PLA2R1: variants seen among roughly 807,000 people sequenced by gnomAD.
PLA2R1 encodes phospholipase A2 receptor 1.
In PLA2R1, 158 loss-of-function variants were observed where a neutral mutation model predicts 195.9. The observed-to-expected ratio is 0.81, with a 90% CI of 0.71 to 0.92. The LOEUF is 0.92. PLA2R1 is among the 40% of genes least tolerant of loss of function. The pLI is 0.00. For synonymous variants in PLA2R1, 586 were observed against 598.2 expected, an observed-to-expected ratio of 0.98 and a Z score of 0.30; for missense variants, 1,626 against 1,764.6, an observed-to-expected ratio of 0.92 and a Z score of 1.41.
chr2:159,969,928 A>C lies in PLA2R1; in HGVS notation c.2660+220T>G, dbSNP rs367617444. Among the ~76,000 whole-genome samples, 9 of 152,312 alleles carry C rather than the reference A, an allele frequency of 5.9e-5. No individual in the cohort carries two copies. The East Asian group carries it at 9.6e-4, about 16-fold the overall frequency. ...TAAATAAATGAATAGAGCAGGAAAG[A>C]AAGCTTTTGGAGGTGATGGATATGT... is the stretch of plus-strand genomic sequence containing the variant. On this transcript the variant is annotated intron_variant, in intron 18 of 29. Transcript: ENST00000283243.
Position 159,932,694 on chromosome 2 carries a change from T to G in PLA2R1, c.*9084A>C, listed in dbSNP as rs1178508634. On this transcript the variant is annotated 3_prime_UTR_variant, in exon 30 of 30. Coordinates refer to ENST00000283243, the MANE Select transcript of PLA2R1 (RefSeq NM_007366.5). The stretch of plus-strand genomic sequence containing the variant: ...TAAAGTTTAAATAATCTCTTAGAAG[T>G]AGGAACTCAAGGAGCTCAAGTTAAT... The G allele has an allele frequency of 6.6e-6, 1 of 152,168 alleles. No homozygotes were observed. Among genetic ancestry groups the G allele is most frequent in the Non-Finnish European group, 1.5e-5 (1 of 68,034 alleles). The allele number at this position is 152,168 out of a possible 1,614,324, so 9.4% of individuals were successfully genotyped here.
intron 11 of PLA2R1, among the ~76,000 whole-genome samples, chr2:160,004,709 G>A (rs1435946030): frequency 1.3e-5 from 2 of 152,156 alleles, no homozygotes; most frequent in Admixed American, 1.3e-4. Flanking sequence ...GAAGTAGAAG[G>A]GCTGTTGGGT....
At chr2:159,994,992 C>T (rs1271555038) in intron 11 of PLA2R1, among the ~76,000 whole-genome samples, 1 of 151,874 alleles carries the variant, frequency 6.6e-6, no homozygotes, top group Non-Finnish European at 1.5e-5. Flanking sequence ...AGACAGAGTC[C>T]TGGCTGAGTT....
At chr2:160,005,362 G>A (rs1313781043) in intron 11 of PLA2R1, among the ~76,000 whole-genome samples, 1 of 152,122 alleles carries the variant, frequency 6.6e-6, no homozygotes, top group African/African-American at 2.4e-5. Context: ...TTGAGCCCAG[G>A]AGGTCAAGGC....
chr2:159,981,783 C>G (rs1485879466), intron 13 of PLA2R1, among the ~76,000 whole-genome samples: 1 of 152,160 alleles, frequency 6.6e-6, no homozygotes, highest in Non-Finnish European at 1.5e-5. Flanking sequence ...AATCATACCT[C>G]ACTGTAACTT....
Position 160,035,588 on chromosome 2 carries a change from T to C in PLA2R1, c.668-2456A>G, listed in dbSNP as rs368264477. ...TACATCTTTGATTGTGTTTATATCA[T>C]CTCTTCTATTGCTAAATTATGGGCT... is the stretch of plus-strand genomic sequence containing the variant. On this transcript the variant is annotated intron_variant, in intron 3 of 29. Coordinates refer to ENST00000283243, the MANE Select transcript of PLA2R1 (RefSeq NM_007366.5). Among the ~76,000 whole-genome samples the C allele has an allele frequency of 1.4e-3, 206 of 152,338 alleles. 1 individual carries two copies. Among genetic ancestry groups the C allele is most frequent in the African/African-American group, 4.7e-3 (197 of 41,586 alleles).
Position 160,013,270 on chromosome 2 carries a change from T to C in PLA2R1, c.1657A>G (p.Thr553Ala). Residue 553 changes from threonine (T) to alanine (A), a missense_variant, in exon 10 of 30, where the codon ACA (threonine) becomes GCA (alanine). By Grantham distance (58) the Thr-to-Ala change is moderately conservative. Transcript: ENST00000283243. ...YYCPPALVTI[T>A]NRFEQAFITS... ...AAAAAAAGTTTAATTTACCTGTTTGTAATGGTTACAAGTGCAGGAGGACAG... is the reference window on the plus strand; with the variant it reads ...AAAAAAAGTTTAATTTACCTGTTTGCAATGGTTACAAGTGCAGGAGGACAG... 1 of 1,565,404 alleles carries C rather than the reference T, an allele frequency of 6.4e-7. No homozygotes were observed. The highest frequency in any genetic ancestry group is 8.8e-7 in the Non-Finnish European group (1 of 1,136,736).
At chr2:159,943,503 T>A (rs1315319512) in intron 28 of PLA2R1, among the ~76,000 whole-genome samples, 1 of 151,948 alleles carries the variant, frequency 6.6e-6, no homozygotes, top group East Asian at 1.9e-4. Context: ...CTGTTAAGAG[T>A]GTTTGTTCTC....
the PLA2R1 span, among the ~76,000 whole-genome samples, chr2:159,924,138 A>G: frequency 6.6e-6 from 1 of 152,068 alleles, no homozygotes; most frequent in African/African-American, 2.4e-5. Context: ...TTCAGGTCCA[A>G]CATCTTCAAA....
At chr2:159,960,551 GA>G (rs1263214071) in intron 20 of PLA2R1, among the ~76,000 whole-genome samples, 2 of 152,104 alleles carry the variant, frequency 1.3e-5, no homozygotes, top group Non-Finnish European at 2.9e-5. Context: ...TCCCAAACTA[GA>G]CAGTGCAAAG....
chr2:159,934,928 A>G lies in PLA2R1; in HGVS notation c.*6850T>C, dbSNP rs1686753426. ...GATCCATTTGAGGATTTCAACTTGC[A>G]CGTAGTTGTCATGTCTCTTTAGTGT... On this transcript the variant is annotated 3_prime_UTR_variant, in exon 30 of 30. Transcript: ENST00000283243. 6.6e-6 allele frequency: 1 copy of G among 152,168 alleles called. No individual in the cohort carries two copies. The highest frequency in any genetic ancestry group is 6.5e-5 in the Admixed American group (1 of 15,276). 9.4% of individuals were successfully genotyped at this position (152,168 alleles called of 1,614,324 possible). A position where few individuals can be genotyped will look rare whatever the true frequency, so the allele number is the denominator to read the frequency against.
intron 6 of PLA2R1, among the ~76,000 whole-genome samples, chr2:160,025,095 A>G (rs1392643330): frequency 6.6e-6 from 1 of 152,156 alleles, no homozygotes; most frequent in Non-Finnish European, 1.5e-5. Context: ...CCTCCAGAGT[A>G]CCCCTTCTTC....
intron 11 of PLA2R1, among the ~76,000 whole-genome samples, chr2:159,989,143 G>A (rs1690574476): frequency 6.6e-6 from 1 of 152,204 alleles, no homozygotes; most frequent in African/African-American, 2.4e-5. Flanking sequence ...GCCATCGGAT[G>A]GCTCTACTGG....
chr2:160,042,735 T>C (rs1694595080), intron 2 of PLA2R1, among the ~76,000 whole-genome samples: 2 of 152,002 alleles, frequency 1.3e-5, no homozygotes, highest in South Asian at 2.1e-4. Context: ...TACAGTATCA[T>C]TGCAGGTAGC....
At chr2:160,029,317 G>A (rs1443843260) in intron 4 of PLA2R1, among the ~76,000 whole-genome samples, 1 of 152,196 alleles carries the variant, frequency 6.6e-6, no homozygotes, top group Non-Finnish European at 1.5e-5. Context: ...GGTGTGCAGG[G>A]TCAGTCCCAG....
chr2:159,970,276 T>G (rs1465705883), intron 17 of PLA2R1, 64 bp from the exon 18 acceptor site: 2 of 1,113,196 alleles, frequency 1.8e-6, no homozygotes, highest in Non-Finnish European at 2.7e-6. Flanking sequence ...TTAAGAGTAA[T>G]GGGGTTGCTG....
At chr2:160,003,139 G>A (rs1359342108) in intron 11 of PLA2R1, among the ~76,000 whole-genome samples, 7 of 151,928 alleles carry the variant, frequency 4.6e-5, no homozygotes, top group Non-Finnish European at 7.4e-5. Flanking sequence ...GTTGAAATTG[G>A]TTACTATTTA....
At chr2:159,982,721 T>A (rs1228836103) in intron 13 of PLA2R1, among the ~76,000 whole-genome samples, 1 of 152,188 alleles carries the variant, frequency 6.6e-6, no homozygotes, top group African/African-American at 2.4e-5. Context: ...TATGGGAATG[T>A]CCTACAAGGA....
downstream of PLA2R1, among the ~76,000 whole-genome samples, chr2:159,930,235 C>T (rs1051302692): frequency 2.6e-5 from 4 of 152,068 alleles, no homozygotes; most frequent in African/African-American, 9.7e-5. Flanking sequence ...GGTGAAACCC[C>T]GTCTCTACTA....
Sources: gnomAD v4.1 joint callset for allele counts (sites outside exome capture counted in the v4.1 genomes callset) on GRCh38, gnomAD v4.1.1 for gene constraint, MANE v1.5 for transcripts, NCBI Gene and HGNC (gene_info 2026-07-23, HGNC 2026-07-21) for gene names.